The following PTPRT variants were observed in gnomAD, a reference collection of about 807,000 sequenced individuals.
PTPRT encodes protein tyrosine phosphatase receptor type T, also known as receptor-type tyrosine-protein phosphatase T.
PTPRT carries 56 observed loss-of-function variants against 176.8 expected under a neutral mutation model. The ratio of observed to expected loss-of-function variants is 0.32; its 90% CI spans 0.26 to 0.40. PTPRT has a LOEUF of 0.40. Ranked by LOEUF, PTPRT falls within the 10% of genes least tolerant of loss-of-function variation. PTPRT has a pLI of 1.00. For synonymous variants in PTPRT, 783 were observed against 739.0 expected (o/e 1.06, Z -0.96); for missense variants, 1,540 against 1,908.2 (o/e 0.81, Z 3.60).
At chr20:42,593,871 T>A (rs147571630) in intron 7 of PTPRT, among the ~76,000 whole-genome samples, 47 of 152,190 alleles carry the variant, frequency 3.1e-4, no homozygotes, top group Middle Eastern at 3.4e-3. Flanking sequence ...TAGGAGAAAA[T>A]ATTGGGAGGA....
At chr20:42,573,930 A>G (rs922134596) in intron 7 of PTPRT, among the ~76,000 whole-genome samples, 3 of 151,726 alleles carry the variant, frequency 2.0e-5, no homozygotes, top group Admixed American at 2.0e-4. Context: ...TTGTATTTTT[A>G]GTAGAGACGG....
intron 4 of PTPRT, 35 bp downstream of exon 4, chr20:42,780,183 A>G (rs777201477): frequency 7.7e-6 from 12 of 1,555,448 alleles, no homozygotes; most frequent in South Asian, 1.1e-5. Context: ...TCTGGCATGG[A>G]TCAAGGCTGT....
At chr20:42,071,756 A>G (rs796779734), downstream of PTPRT, among the ~76,000 whole-genome samples, 140 of 152,296 alleles carry the variant, frequency 9.2e-4, 1 homozygote, top group African/African-American at 3.2e-3. Context: ...TCCTAGGCTC[A>G]GGCAATCCAC....
In PTPRT at chr20:42,075,044, G is replaced by C. The variant is rs963675752; in HGVS notation, c.*5835C>G. On this transcript the variant is annotated 3_prime_UTR_variant, in exon 31 of 31. Coordinates refer to ENST00000373187, the MANE Select transcript of PTPRT (RefSeq NM_007050.6). ...CCTCTCTCCCTGCTGTTCAGTCTATGACCTCAAAGGCAGATCCCTGCAAGA... is the reference window on the plus strand; with the variant it reads ...CCTCTCTCCCTGCTGTTCAGTCTATCACCTCAAAGGCAGATCCCTGCAAGA... 7.4e-5 allele frequency: 29 copies of C among 390,664 alleles called. No homozygotes were observed. The highest frequency in any genetic ancestry group is 1.2e-4 in the Non-Finnish European group (27 of 221,646). The allele number at this position is 390,664 out of a possible 1,614,324, so 24.2% of individuals were successfully genotyped here.
chr20:42,194,773 A>C (rs1991134682), intron 16 of PTPRT, among the ~76,000 whole-genome samples: 1 of 152,182 alleles, frequency 6.6e-6, no homozygotes, highest in African/African-American at 2.4e-5. Context: ...TTTCAAGAAT[A>C]CCAAGGCACT....
chr20:43,086,501 A>G (rs981186100), intron 1 of PTPRT, among the ~76,000 whole-genome samples: 13 of 152,212 alleles, frequency 8.5e-5, no homozygotes, highest in African/African-American at 3.1e-4. Flanking sequence ...GCCAAAGCAA[A>G]ACCTTTAACT....
intron 2 of PTPRT, among the ~76,000 whole-genome samples, chr20:42,813,972 A>G (rs894064869): frequency 3.9e-5 from 6 of 152,122 alleles, no homozygotes; most frequent in Non-Finnish European, 8.8e-5. Context: ...TGCTTTGTTT[A>G]TACCCCCATC....
chr20:42,868,474 T>A (rs1438872423), intron 2 of PTPRT, among the ~76,000 whole-genome samples: 1 of 152,156 alleles, frequency 6.6e-6, no homozygotes, highest in African/African-American at 2.4e-5. Flanking sequence ...AAGCAAAGTG[T>A]TGAGGGTGCT....
chr20:42,197,719 T>C (rs751545649), intron 16 of PTPRT, among the ~76,000 whole-genome samples: 1 of 150,830 alleles, frequency 6.6e-6, no homozygotes, highest in Non-Finnish European at 1.5e-5. Flanking sequence ...ATTCAGAAAA[T>C]TTTGAAAAAA....
intron 1 of PTPRT, among the ~76,000 whole-genome samples, chr20:43,022,518 G>A (rs939959677): frequency 1.3e-5 from 2 of 152,186 alleles, no homozygotes; most frequent in Admixed American, 1.3e-4. Context: ...GATCATCTAA[G>A]GTGATGGTAC....
At chr20:42,274,217 A>T (rs1412380061) in intron 13 of PTPRT, among the ~76,000 whole-genome samples, 2 of 152,216 alleles carry the variant, frequency 1.3e-5, no homozygotes, top group East Asian at 3.9e-4. Context: ...AAGGCCATGT[A>T]AGTGGAAGTG....
chr20:42,300,997 T>C (rs2057459837), intron 12 of PTPRT, among the ~76,000 whole-genome samples: 1 of 152,086 alleles, frequency 6.6e-6, no homozygotes, highest in South Asian at 2.1e-4. Flanking sequence ...TTGGGAGATA[T>C]ACCTAATGGC....
chr20:42,414,482 C>A (rs1416508320), intron 9 of PTPRT, among the ~76,000 whole-genome samples: 1 of 152,094 alleles, frequency 6.6e-6, no homozygotes, highest in African/African-American at 2.4e-5. Flanking sequence ...TTATTATTTG[C>A]AGGTCAGCCT....
At chr20:42,607,297 AC>A (rs1293017340) in intron 7 of PTPRT, 3 of 152,100 alleles carry the variant, frequency 2.0e-5, no homozygotes, top group Non-Finnish European at 4.4e-5. Flanking sequence ...AATGTATTTA[AC>A]GCTACTCAAC....
chr20:42,101,543 A>G (rs1298291747), intron 26 of PTPRT, among the ~76,000 whole-genome samples: 3 of 152,176 alleles, frequency 2.0e-5, no homozygotes, highest in African/African-American at 7.2e-5. Flanking sequence ...TGATGACAAG[A>G]AAGTGGGGGG....
intron 14 of PTPRT, among the ~76,000 whole-genome samples, chr20:42,237,991 T>A (rs757810912): frequency 6.6e-6 from 1 of 152,138 alleles, no homozygotes; most frequent in Non-Finnish European, 1.5e-5. Context: ...CAGCCCCAAA[T>A]TTTCCCATCT....
At chr20:42,160,572 G>A (rs550967012) in intron 17 of PTPRT, among the ~76,000 whole-genome samples, 11 of 152,218 alleles carry the variant, frequency 7.2e-5, no homozygotes, top group African/African-American at 2.6e-4. Context: ...AAGACTTTGA[G>A]GAGAAATTAG....
chr20:42,142,019 G>A lies in PTPRT; in HGVS notation c.2683-17C>T, dbSNP rs1288675090. 38 of 1,604,610 alleles carry A rather than the reference G, an allele frequency of 2.4e-5. No homozygotes were observed. The highest frequency in any genetic ancestry group is 3.2e-5 in the Non-Finnish European group (37 of 1,171,492). On this transcript the variant is annotated splice_polypyrimidine_tract_variant and intron_variant, in intron 17 of 30. Transcript: ENST00000373187. ...TGGTAAGGCCTAAAAAGCAAGGACA[G>A]AGTGGTTAGAGTGGCCTGAGATAGG...
intron 6 of PTPRT, among the ~76,000 whole-genome samples, chr20:42,723,817 C>T (rs2076338505): frequency 6.6e-6 from 1 of 152,180 alleles, no homozygotes; most frequent in Admixed American, 6.5e-5. Flanking sequence ...ATGGGCAGAT[C>T]AGAAGGCTGT....
Sources: allele counts gnomAD v4.1 joint callset (sites outside exome capture counted in the v4.1 genomes callset), GRCh38; gene constraint gnomAD v4.1.1; transcripts MANE v1.5; gene names NCBI Gene and HGNC (gene_info 2026-07-23, HGNC 2026-07-21).